MTMR10: variants seen among roughly 807,000 people sequenced by gnomAD.
MTMR10 encodes myotubularin-related protein 10.
A neutral mutation model predicts 88.1 loss-of-function variants in MTMR10; 56 were observed. The ratio of observed to expected loss-of-function variants is 0.64; its 90% CI spans 0.51 to 0.79. The LOEUF (loss-of-function observed/expected upper bound fraction) is 0.79, where lower values mean the gene tolerates loss of function less well. MTMR10 is among the 30% of genes least tolerant of loss of function. The pLI, the probability that MTMR10 is intolerant of heterozygous loss-of-function variation, is 0.00. For missense variants in MTMR10, 883 were observed against 924.7 expected, an observed-to-expected ratio of 0.95 and a Z score of 0.58; for synonymous variants, 380 against 340.9, an observed-to-expected ratio of 1.11 and a Z score of -1.26.
rs2063040100 is a variant in MTMR10, at chr15:30,941,260, T to C, written c.*210A>G. The C allele has an allele frequency of 1.4e-6, 2 of 1,467,956 alleles. No individual in the cohort carries two copies. Among genetic ancestry groups the C allele is most frequent in the Non-Finnish European group, 1.8e-6 (2 of 1,104,910 alleles). 90.9% of individuals were successfully genotyped at this position (1,467,956 alleles called of 1,614,324 possible). ...ACGGTTACAAGAGCCAGACCTGTAA[T>C]GACAGAAAGAGGACAGGAACAAAAT... On this transcript the variant is annotated 3_prime_UTR_variant, in exon 16 of 16. Transcript: ENST00000435680.
At chr15:30,922,439 T>C in the MTMR10 span, 2 of 1,304,128 alleles carry the variant, frequency 1.5e-6, no homozygotes, top group South Asian at 1.4e-5. Context: ...CCTTAAAATT[T>C]ACATGTAATT....
chr15:30,930,632 C>T, the MTMR10 span: 40 of 1,612,732 alleles, frequency 2.5e-5, no homozygotes, highest in African/African-American at 6.7e-5. Context: ...GGGGCCTCCC[C>T]GACCTGGTGG....
intron 6 of MTMR10, among the ~76,000 whole-genome samples, chr15:30,962,110 T>G (rs907913153): frequency 6.6e-6 from 1 of 152,228 alleles, no homozygotes; most frequent in African/African-American, 2.4e-5. Context: ...TTTGCTAGAG[T>G]GCTGTTTCCA....
chr15:30,928,603 T>G, the MTMR10 span: 7 of 1,613,218 alleles, frequency 4.3e-6, no homozygotes, highest in Non-Finnish European at 5.9e-6. Context: ...CCTCCTCCTG[T>G]GGGACATCAT....
intron 14 of MTMR10, 37 bp from the exon 15 acceptor site, chr15:30,943,109 G>C: frequency 2.0e-6 from 3 of 1,521,208 alleles, no homozygotes; most frequent in Non-Finnish European, 2.6e-6. Flanking sequence ...CAAAACTAAA[G>C]ATTCTCTCAT....
At chr15:30,921,571 A>C in the MTMR10 span, among the ~76,000 whole-genome samples, 1 of 152,182 alleles carries the variant, frequency 6.6e-6, no homozygotes, top group Non-Finnish European at 1.5e-5. Context: ...GGATGTGCTA[A>C]GCTGGTTTCT....
chr15:30,922,761 C>T, the MTMR10 span, among the ~76,000 whole-genome samples: 14 of 152,346 alleles, frequency 9.2e-5, no homozygotes, highest in African/African-American at 1.4e-4. Flanking sequence ...GAAAGATTGG[C>T]GAGAAAGCGT....
chr15:30,940,045 AT>A lies in MTMR10; in HGVS notation c.*1424del, dbSNP rs1398707864. ...GTACATATAAAGGTAAAATACAGTTATCTTGAAAACACTTGTTTTAGAAAAG... is the reference window on the plus strand; with the variant it reads ...GTACATATAAAGGTAAAATACAGTTACTTGAAAACACTTGTTTTAGAAAAG... On this transcript the variant is annotated 3_prime_UTR_variant, in exon 16 of 16. Coordinates refer to ENST00000435680, the MANE Select transcript of MTMR10 (RefSeq NM_017762.3). 1.0e-6 allele frequency: 1 copy of A among 979,312 alleles called. No homozygotes were observed. The highest frequency in any genetic ancestry group is 1.2e-6 in the Non-Finnish European group (1 of 824,516). 60.7% of individuals were successfully genotyped at this position (979,312 alleles called of 1,614,324 possible).
intron 6 of MTMR10, among the ~76,000 whole-genome samples, chr15:30,967,449 A>T (rs2063486162): frequency 6.6e-6 from 1 of 152,234 alleles, no homozygotes; most frequent in African/African-American, 2.4e-5. Context: ...AGTATTACTC[A>T]GAAATAGAAA....
At chr15:30,946,968 T>C (rs2063180303) in intron 14 of MTMR10, 162 bp downstream of exon 14, 1 of 938,250 alleles carries the variant, frequency 1.1e-6, no homozygotes, top group African/African-American at 1.7e-5. Context: ...ATTTCCTAGA[T>C]TTTTGTGTCT....
At chr15:30,957,835 A>G (rs2063348541) in intron 9 of MTMR10, among the ~76,000 whole-genome samples, 1 of 152,192 alleles carries the variant, frequency 6.6e-6, no homozygotes, top group East Asian at 1.9e-4. Flanking sequence ...GGGAAAGTCC[A>G]GGGGGCTGGA....
chr15:30,943,164 A>G, intron 14 of MTMR10, 92 bp from the exon 15 acceptor site: 1 of 1,469,434 alleles, frequency 6.8e-7, no homozygotes, highest in Non-Finnish European at 9.0e-7. Flanking sequence ...CACAGGTTAA[A>G]TGTTCTGTAC....
At chr15:30,986,637 T>C (rs2030958303) in intron 2 of MTMR10, among the ~76,000 whole-genome samples, 1 of 152,124 alleles carries the variant, frequency 6.6e-6, no homozygotes, top group Admixed American at 6.5e-5. Flanking sequence ...CAAATAAATT[T>C]ATCTTTATTA....
Position 30,972,149 on chromosome 15 carries a change from A to G in MTMR10, c.474+2165T>C, listed in dbSNP as rs571799581. On this transcript the variant is annotated intron_variant, in intron 5 of 15. Coordinates refer to ENST00000435680, the MANE Select transcript of MTMR10 (RefSeq NM_017762.3). ...TAAAATAGCAAAGCATTTTCCAGAGAAAACAGTATTCCAAGCTTCCAGGAG... is the reference window on the plus strand; with the variant it reads ...TAAAATAGCAAAGCATTTTCCAGAGGAAACAGTATTCCAAGCTTCCAGGAG... 2.6e-5 allele frequency among the ~76,000 whole-genome samples: 4 copies of G among 152,280 alleles called. No individual in the cohort carries two copies. The South Asian group carries it at 8.3e-4, about 32-fold the overall frequency.
chr15:30,932,561 A>G, the MTMR10 span, among the ~76,000 whole-genome samples: 1 of 152,064 alleles, frequency 6.6e-6, no homozygotes, highest in Non-Finnish European at 1.5e-5. Context: ...GGGGGAGGAA[A>G]ATTTAAAGCT....
chr15:30,991,409 AGAG>A (rs778936287), intron 1 of MTMR10, 35 bp downstream of exon 1: 8 of 1,450,218 alleles, frequency 5.5e-6, no homozygotes, highest in Non-Finnish European at 6.4e-6. Flanking sequence ...ACGGAAGCGC[AGAG>A]GAGAGTCGGG....
rs2063027934 is a variant in MTMR10, at chr15:30,940,999, G to A, written c.*471C>T. The stretch of plus-strand genomic sequence containing the variant: ...GCCCCAGAACACTGAACCTTCATCA[G>A]GTGAGTTCAATTAGAGACGACAGAA... On this transcript the variant is annotated 3_prime_UTR_variant, in exon 16 of 16. Transcript: ENST00000435680. 1 of 1,159,296 alleles carries A rather than the reference G, an allele frequency of 8.6e-7. No individual in the cohort carries two copies. 71.8% of individuals were successfully genotyped at this position (1,159,296 alleles called of 1,614,324 possible).
chr15:30,940,953 G>A lies in MTMR10; in HGVS notation c.*517C>T. Reference sequence around the variant, plus strand: ...AGTGATCTAAGGTTCCAAAGAAGGTGATCTAAAATCATAAATTCTGGCCCC... The same window carrying A: ...AGTGATCTAAGGTTCCAAAGAAGGTAATCTAAAATCATAAATTCTGGCCCC... On this transcript the variant is annotated 3_prime_UTR_variant, in exon 16 of 16. Coordinates refer to ENST00000435680, the MANE Select transcript of MTMR10 (RefSeq NM_017762.3). 1.8e-6 allele frequency: 2 copies of A among 1,095,344 alleles called. No individual in the cohort carries two copies. The highest frequency in any genetic ancestry group is 2.2e-6 in the Non-Finnish European group (2 of 894,098). 67.9% of individuals were successfully genotyped at this position (1,095,344 alleles called of 1,614,324 possible). A position where few individuals can be genotyped will look rare whatever the true frequency, so the allele number is the denominator to read the frequency against.
intron 2 of MTMR10, 75 bp downstream of exon 2, chr15:30,990,702 G>C (rs1198855163): frequency 1.6e-6 from 2 of 1,244,200 alleles, no homozygotes; most frequent in African/African-American, 3.0e-5. Context: ...TTAACCACAT[G>C]ATACTAGTCG....
Sources: gnomAD v4.1 joint callset for allele counts (sites outside exome capture counted in the v4.1 genomes callset) on GRCh38, gnomAD v4.1.1 for gene constraint, MANE v1.5 for transcripts, NCBI Gene and HGNC (gene_info 2026-07-23, HGNC 2026-07-21) for gene names.